XRN2: variants seen among roughly 807,000 people sequenced by gnomAD.
XRN2 encodes the protein DHM1-like protein.
Under a neutral mutation model 138.5 loss-of-function variants are expected in XRN2, and 44 were observed. That is an observed-to-expected ratio of 0.32 (90% CI 0.25 to 0.41). The LOEUF (loss-of-function observed/expected upper bound fraction) is 0.41. Among genes scored for constraint, XRN2 ranks in the 10% least tolerant of loss-of-function variants. The pLI is 1.00. For synonymous variants in XRN2, 354 were observed against 369.4 expected (o/e 0.96, Z 0.48); for missense variants, 937 against 1,169.3 (o/e 0.80, Z 2.90).
At position 21,331,556 on chromosome 20, in the gene XRN2, T is replaced by TA. The variant is rs553053513; in HGVS notation, c.577-4dup. ...AATCTGAAAGTGTTAACAATTTTTT[T>TA]ATAGGTTATTTTATCTGATGCTAGT... On this transcript the variant is annotated splice_polypyrimidine_tract_variant and splice_region_variant and intron_variant, in intron 6 of 29. Coordinates refer to ENST00000377191, the MANE Select transcript of XRN2 (RefSeq NM_012255.5). The TA allele has an allele frequency of 1.7e-4, 273 of 1,608,314 alleles. 1 individual carries two copies. In the African/African-American group the frequency reaches 3.3e-3, roughly 20 times the overall value.
intron 1 of XRN2, among the ~76,000 whole-genome samples, chr20:21,306,474 G>A (rs946103347): frequency 1.3e-5 from 1 of 75,310 alleles, no homozygotes; most frequent in African/African-American, 3.6e-5. Flanking sequence ...TCAGAACTTT[G>A]AAAGAAATTG....
chr20:21,353,604 A>C (rs1417779341), intron 20 of XRN2, among the ~76,000 whole-genome samples: 1 of 152,022 alleles, frequency 6.6e-6, no homozygotes, highest in Non-Finnish European at 1.5e-5. Context: ...CAGCCTGCGT[A>C]ACACAAGGAG....
chr20:21,356,540 G>C (rs1373469333), intron 22 of XRN2, 46 bp from the exon 23 acceptor site: 3 of 1,568,168 alleles, frequency 1.9e-6, no homozygotes, highest in Non-Finnish European at 2.6e-6. Flanking sequence ...TTGAGTCCCA[G>C]TTTTCCATTC....
intron 8 of XRN2, 61 bp downstream of exon 8, chr20:21,331,879 G>C (rs2038214838): frequency 6.4e-7 from 1 of 1,570,342 alleles, no homozygotes; most frequent in Non-Finnish European, 8.7e-7. Flanking sequence ...TGATGGGTTG[G>C]TGTGCAGTAA....
At chr20:21,348,077 GT>G (rs11087351) in intron 17 of XRN2, 68 bp from the exon 18 acceptor site, 1,365,226 of 1,373,898 alleles carry the variant, frequency 0.99, 678,346 homozygotes, top group East Asian at 1. Context: ...TCTAATTTTT[GT>G]TTTTTTTAAT....
chr20:21,347,252 T>C (rs1435401738), intron 17 of XRN2, among the ~76,000 whole-genome samples: 1 of 152,214 alleles, frequency 6.6e-6, no homozygotes, highest in African/African-American at 2.4e-5. Context: ...TCTAAAGGAA[T>C]TTGAATGCTA....
At chr20:21,303,824 C>T in intron 1 of XRN2, 1 of 1,055,374 alleles carries the variant, frequency 9.5e-7, no homozygotes, top group Non-Finnish European at 1.1e-6. Context: ...GGTTCAGAGG[C>T]TGTTGTTGAG....
chr20:21,305,052 G>T (rs959147486), intron 1 of XRN2, among the ~76,000 whole-genome samples: 1 of 152,034 alleles, frequency 6.6e-6, no homozygotes, highest in Admixed American at 6.6e-5. Flanking sequence ...ATCTTGCCGC[G>T]CCCGGACTCT....
At position 21,346,676 on chromosome 20, in the gene XRN2, A is replaced by G. The variant is rs540447945; in HGVS notation, c.1665+126A>G. 1.1e-4 allele frequency: 129 copies of G among 1,197,898 alleles called. 1 individual carries two copies. Among genetic ancestry groups the G allele is most frequent in the Middle Eastern group, 2.9e-4 (1 of 3,406 alleles). 74.2% of individuals were successfully genotyped at this position (1,197,898 alleles called of 1,614,324 possible). The stretch of plus-strand genomic sequence containing the variant: ...GCCCTGTCACCTGGGCGGGAGGGCA[A>G]TGGCGTGATCTCAACTCACTGCGAC... On this transcript the variant is annotated intron_variant, in intron 17 of 29. Coordinates refer to ENST00000377191, the MANE Select transcript of XRN2 (RefSeq NM_012255.5).
At chr20:21,386,646 T>C (rs956464932) in intron 28 of XRN2, among the ~76,000 whole-genome samples, 1 of 152,210 alleles carries the variant, frequency 6.6e-6, no homozygotes, top group African/African-American at 2.4e-5. Flanking sequence ...AACTTCTCAG[T>C]TGAGTTTAAA....
At chr20:21,352,747 A>T (rs2038525231) in intron 20 of XRN2, among the ~76,000 whole-genome samples, 1 of 152,182 alleles carries the variant, frequency 6.6e-6, no homozygotes. Context: ...AATTTAAGTA[A>T]TTCCATCAAG....
At chr20:21,343,543 A>G (rs1022080684) in intron 15 of XRN2, among the ~76,000 whole-genome samples, 1 of 151,510 alleles carries the variant, frequency 6.6e-6, no homozygotes, top group African/African-American at 2.4e-5. Flanking sequence ...TGGTTGTACT[A>G]GGTTGAAGAC....
At chr20:21,337,868 A>G (rs1304165088) in intron 13 of XRN2, among the ~76,000 whole-genome samples, 2 of 152,194 alleles carry the variant, frequency 1.3e-5, no homozygotes, top group Non-Finnish European at 2.9e-5. Flanking sequence ...CCAAGGAGGA[A>G]AGAATCCTGG....
intron 4 of XRN2, among the ~76,000 whole-genome samples, chr20:21,330,155 C>A (rs1205781960): frequency 6.6e-6 from 1 of 151,944 alleles, no homozygotes; most frequent in African/African-American, 2.4e-5. Context: ...TGGTGGCAGG[C>A]GCCTGTAATC....
chr20:21,351,017 AAAT>A (rs2038503788), intron 20 of XRN2, among the ~76,000 whole-genome samples: 1 of 152,174 alleles, frequency 6.6e-6, no homozygotes, highest in South Asian at 2.1e-4. Flanking sequence ...AGGGATGTAA[AAAT>A]ACTAAGTAAA....
chr20:21,351,246 C>T (rs898564120), intron 20 of XRN2, among the ~76,000 whole-genome samples: 1 of 152,152 alleles, frequency 6.6e-6, no homozygotes, highest in Admixed American at 6.5e-5. Flanking sequence ...GATTTCTTCA[C>T]ATCCTCTCCA....
rs139873376 is a variant in XRN2 at position 21,309,075 on chromosome 20, G to A, written c.75+5602G>A. On this transcript the variant is annotated intron_variant, in intron 1 of 29. Coordinates refer to ENST00000377191, the MANE Select transcript of XRN2 (RefSeq NM_012255.5). Reference sequence around the variant, plus strand: ...ATACGTTGAATTCAAGTTTGCTAAAGTTTGCTAAAGTTTTCTTGAGAATTC... The same window carrying A: ...ATACGTTGAATTCAAGTTTGCTAAAATTTGCTAAAGTTTTCTTGAGAATTC... Among the ~76,000 whole-genome samples, 38 of 152,234 alleles carry A rather than the reference G, an allele frequency of 2.5e-4. No individual in the cohort carries two copies. The South Asian group carries it at 5.8e-3, about 23-fold the overall frequency.
chr20:21,386,794 G>A, intron 28 of XRN2, 74 bp from the exon 29 acceptor site: 1 of 1,533,216 alleles, frequency 6.5e-7, no homozygotes, highest in Non-Finnish European at 8.8e-7. Flanking sequence ...ATTTGGAGAT[G>A]ATACCTGCCG....
intron 24 of XRN2, among the ~76,000 whole-genome samples, chr20:21,364,820 A>AG (rs2038676084): frequency 6.6e-6 from 1 of 151,014 alleles, no homozygotes; most frequent in East Asian, 1.9e-4. Flanking sequence ...AAAAAAAAAA[A>AG]GCATATTTGT....
Sources: allele counts gnomAD v4.1 joint callset (sites outside exome capture counted in the v4.1 genomes callset), GRCh38; gene constraint gnomAD v4.1.1; transcripts MANE v1.5; gene names NCBI Gene and HGNC (gene_info 2026-07-23, HGNC 2026-07-21).